KCNT2: variants seen among roughly 807,000 people sequenced by gnomAD.
The protein encoded by KCNT2 is potassium channel subfamily T member 2.
Under a neutral mutation model 153.8 loss-of-function variants are expected in KCNT2, and 67 were observed. That is an observed-to-expected ratio of 0.44 (90% CI 0.36 to 0.53). The LOEUF is 0.53. Among genes scored for constraint, KCNT2 ranks in the 20% least tolerant of loss-of-function variants. The pLI is 0.00. For synonymous variants in KCNT2, 500 were observed against 458.8 expected (o/e 1.09, Z -1.15); for missense variants, 975 against 1,354.8 (o/e 0.72, Z 4.40).
At chr1:196,530,492 G>T (rs1411618030) in intron 1 of KCNT2, among the ~76,000 whole-genome samples, 2 of 151,780 alleles carry the variant, frequency 1.3e-5, no homozygotes, top group African/African-American at 4.8e-5. Context: ...GTGGAAAACC[G>T]ATATATAAAC....
Position 196,608,225 on chromosome 1 carries a change from T to G in KCNT2, c.85A>C (p.Asn29His). The G allele has an allele frequency of 1.9e-6, 3 of 1,613,950 alleles. No homozygotes were observed. Among genetic ancestry groups the G allele is most frequent in the Non-Finnish European group, 2.5e-6 (3 of 1,179,928 alleles). ...DLLLGDQGWQ[N>H]DDRVQVEFYM... The stretch of plus-strand genomic sequence containing the variant: ...CACCACACCACTCACCTGTCGTCGT[T>G]TTGCCATCCTTGGTCCCCTAGCAGC... The change falls in exon 1 of 28, where the codon AAC becomes CAC. Residue 29 changes from asparagine (N) to histidine (H), a missense_variant. Physicochemically the swap from Asn to His is moderately conservative, Grantham distance 68. Transcript: ENST00000294725.
At chr1:196,266,878 A>G (rs941986598) in intron 25 of KCNT2, among the ~76,000 whole-genome samples, 3 of 152,188 alleles carry the variant, frequency 2.0e-5, no homozygotes, top group African/African-American at 7.2e-5. Flanking sequence ...GGATTTGACA[A>G]ATATGTTCTA....
chr1:196,384,812 A>G (rs892563829), intron 13 of KCNT2, among the ~76,000 whole-genome samples: 3 of 151,918 alleles, frequency 2.0e-5, no homozygotes, highest in African/African-American at 7.2e-5. Flanking sequence ...ACATAAAATC[A>G]TCCCTTGAAT....
chr1:196,527,404 T>C (rs529261261), intron 1 of KCNT2, among the ~76,000 whole-genome samples: 1 of 152,162 alleles, frequency 6.6e-6, no homozygotes, highest in African/African-American at 2.4e-5. Context: ...TAACATGAAG[T>C]TAGGTTAAAT....
chr1:196,345,224 T>C (rs1666041829), intron 14 of KCNT2, among the ~76,000 whole-genome samples: 1 of 152,070 alleles, frequency 6.6e-6, no homozygotes, highest in South Asian at 2.1e-4. Flanking sequence ...GAGGTGATAA[T>C]TGTGGGGAGA....
intron 26 of KCNT2, among the ~76,000 whole-genome samples, chr1:196,245,258 A>G (rs576356882): frequency 6.6e-6 from 1 of 152,020 alleles, no homozygotes; most frequent in African/African-American, 2.4e-5. Context: ...TGGGAAGCCG[A>G]GGTGGGAGGA....
chr1:196,275,112 T>C (rs1474113120), intron 25 of KCNT2, among the ~76,000 whole-genome samples: 1 of 151,932 alleles, frequency 6.6e-6, no homozygotes, highest in African/African-American at 2.4e-5. Flanking sequence ...TGCCACTAAA[T>C]GACTTCAGGG....
chr1:196,589,866 G>C (rs1265830754), intron 1 of KCNT2, among the ~76,000 whole-genome samples: 1 of 152,072 alleles, frequency 6.6e-6, no homozygotes, highest in African/African-American at 2.4e-5. Context: ...ATTACCTACA[G>C]TGTACTCCTA....
At chr1:196,405,948 G>A (rs1270667480) in intron 12 of KCNT2, among the ~76,000 whole-genome samples, 1 of 151,452 alleles carries the variant, frequency 6.6e-6, no homozygotes, top group Non-Finnish European at 1.5e-5. Flanking sequence ...ATGGCAATCT[G>A]GAGAACAAAC....
At chr1:196,268,908 T>C (rs1657799138) in intron 25 of KCNT2, among the ~76,000 whole-genome samples, 1 of 152,116 alleles carries the variant, frequency 6.6e-6, no homozygotes, top group African/African-American at 2.4e-5. Flanking sequence ...ACACTGCCTC[T>C]GTGGAGTGGT....
chr1:196,502,802 T>A (rs1312249986), intron 1 of KCNT2, among the ~76,000 whole-genome samples: 1 of 152,168 alleles, frequency 6.6e-6, no homozygotes, highest in Non-Finnish European at 1.5e-5. Flanking sequence ...CTCTCTGTAC[T>A]TCCCCATTTT....
intron 12 of KCNT2, among the ~76,000 whole-genome samples, chr1:196,400,115 A>G (rs1016285685): frequency 2.0e-5 from 3 of 151,808 alleles, no homozygotes; most frequent in Non-Finnish European, 4.4e-5. Context: ...AAATATTCAA[A>G]TATCAGAATG....
At chr1:196,282,438 G>T in intron 23 of KCNT2, 82 bp from the exon 24 acceptor site, 2 of 650,622 alleles carry the variant, frequency 3.1e-6, no homozygotes, top group Admixed American at 2.6e-5. Flanking sequence ...CTAAAAGTGT[G>T]AACATCTGAC....
intron 22 of KCNT2, among the ~76,000 whole-genome samples, chr1:196,286,832 G>C (rs1558103478): frequency 6.6e-6 from 1 of 152,098 alleles, no homozygotes; most frequent in East Asian, 1.9e-4. Flanking sequence ...TGTAAGTTAA[G>C]CTTCTATTTA....
intron 26 of KCNT2, among the ~76,000 whole-genome samples, chr1:196,249,733 C>T (rs973408156): frequency 1.3e-5 from 2 of 151,836 alleles, no homozygotes; most frequent in Non-Finnish European, 2.9e-5. Flanking sequence ...TGACATCATG[C>T]CACTGCACTC....
chr1:196,358,800 A>G (rs1469182224), intron 14 of KCNT2, among the ~76,000 whole-genome samples: 2 of 151,946 alleles, frequency 1.3e-5, no homozygotes, highest in Non-Finnish European at 2.9e-5. Flanking sequence ...TTGGCTGGAT[A>G]TATTTCTCTC....
intron 1 of KCNT2, among the ~76,000 whole-genome samples, chr1:196,521,300 G>A (rs1368888032): frequency 6.6e-6 from 1 of 152,164 alleles, no homozygotes; most frequent in Non-Finnish European, 1.5e-5. Flanking sequence ...AAAAATAACA[G>A]ATGCTGGTGA....
At chr1:196,379,565 TTCTCTCTCTCTCTCTCTCTCTC>T (rs67709356) in intron 13 of KCNT2, among the ~76,000 whole-genome samples, 3 of 136,148 alleles carry the variant, frequency 2.2e-5, no homozygotes, top group African/African-American at 5.5e-5. Context: ...CAGTGAGACT[TTCTCTCTCTCTCTCTCTCTCTC>T]TCTCTCTCTC....
chr1:196,587,724 G>T (rs1662859936), intron 1 of KCNT2, among the ~76,000 whole-genome samples: 1 of 151,950 alleles, frequency 6.6e-6, no homozygotes, highest in Non-Finnish European at 1.5e-5. Flanking sequence ...ATGAAAAGAA[G>T]TATCAAAAAT....
Sources: gnomAD v4.1 joint callset for allele counts (sites outside exome capture counted in the v4.1 genomes callset) on GRCh38, gnomAD v4.1.1 for gene constraint, MANE v1.5 for transcripts, NCBI Gene and HGNC (gene_info 2026-07-23, HGNC 2026-07-21) for gene names.